PLPP1: variants seen among roughly 807,000 people sequenced by gnomAD.
PLPP1 encodes lipid phosphate phosphohydrolase 1a.
PLPP1 carries 24 observed loss-of-function variants against 31.2 expected under a neutral mutation model. The ratio of observed to expected loss-of-function variants is 0.77; its 90% CI spans 0.56 to 1.08. The LOEUF is 1.08. Among genes scored for constraint, PLPP1 ranks in the 50% least tolerant of loss-of-function variants. The pLI is 0.00. For missense variants in PLPP1, 319 were observed against 342.7 expected (o/e 0.93, Z 0.55); for synonymous variants, 146 against 126.3 (o/e 1.16, Z -1.05).
intron 1 of PLPP1, among the ~76,000 whole-genome samples, chr5:55,511,213 AAG>A (rs962582204): frequency 3.9e-5 from 6 of 152,188 alleles, no homozygotes; most frequent in Admixed American, 1.3e-4. Context: ...GTTACTGGAA[AAG>A]AGAGAGAAGC....
chr5:55,458,330 T>G (rs1752066241), intron 3 of PLPP1, among the ~76,000 whole-genome samples: 1 of 152,146 alleles, frequency 6.6e-6, no homozygotes, highest in Admixed American at 6.5e-5. Context: ...CTATGATCAC[T>G]GAAAATAAAC....
intron 1 of PLPP1, among the ~76,000 whole-genome samples, chr5:55,498,911 G>A (rs866051312): frequency 1.2e-4 from 19 of 152,078 alleles, no homozygotes; most frequent in South Asian, 2.1e-4. Context: ...ATTTGTGTAC[G>A]CTCCAGCATT....
chr5:55,481,786 G>C (rs1312275478), intron 1 of PLPP1, among the ~76,000 whole-genome samples: 1 of 152,028 alleles, frequency 6.6e-6, no homozygotes, highest in Non-Finnish European at 1.5e-5. Context: ...TTACTATTTT[G>C]TTAATAAAAT....
intron 1 of PLPP1, chr5:55,530,509 C>T: frequency 8.4e-7 from 1 of 1,196,550 alleles, no homozygotes; most frequent in Admixed American, 1.7e-5. Flanking sequence ...TTGCTGTTCC[C>T]TACTGAATCT....
chr5:55,507,995 T>G (rs1753320395), intron 1 of PLPP1, among the ~76,000 whole-genome samples: 2 of 152,090 alleles, frequency 1.3e-5, no homozygotes, highest in Non-Finnish European at 2.9e-5. Flanking sequence ...AGACCTGAGA[T>G]TTCAGGCATG....
At chr5:55,491,112 A>C in intron 1 of PLPP1, 2 of 1,611,930 alleles carry the variant, frequency 1.2e-6, no homozygotes, top group African/African-American at 1.3e-5. Context: ...ATAGGCATGG[A>C]AGCTGTTGGG....
intron 3 of PLPP1, among the ~76,000 whole-genome samples, chr5:55,458,874 G>A (rs1411198118): frequency 9.5e-6 from 1 of 104,742 alleles, no homozygotes; most frequent in Non-Finnish European, 1.7e-5. Flanking sequence ...GGCAACAGAG[G>A]AGACCCTGTC....
At chr5:55,434,108 G>A (rs1480354848) in intron 4 of PLPP1, among the ~76,000 whole-genome samples, 1 of 147,402 alleles carries the variant, frequency 6.8e-6, no homozygotes, top group African/African-American at 2.5e-5. Flanking sequence ...CAGCCTGGGC[G>A]AGCGACTGAG....
At chr5:55,509,019 TTGGTAAC>T (rs549717579) in intron 1 of PLPP1, 34 of 152,652 alleles carry the variant, frequency 2.2e-4, no homozygotes, top group African/African-American at 8.2e-4. Context: ...AATTTAAAAA[TTGGTAAC>T]TGAACTCAAT....
intron 1 of PLPP1, among the ~76,000 whole-genome samples, chr5:55,476,891 C>T (rs1257995935): frequency 6.6e-6 from 1 of 152,102 alleles, no homozygotes; most frequent in Non-Finnish European, 1.5e-5. Flanking sequence ...TTTTATCTTC[C>T]CATTTTTCAT....
intron 1 of PLPP1, chr5:55,491,161 C>G: frequency 6.3e-7 from 1 of 1,578,384 alleles, no homozygotes; most frequent in Non-Finnish European, 8.6e-7. Context: ...ATTCAATTCA[C>G]TTCATTAGGA....
chr5:55,449,880 G>A (rs1751856170), intron 3 of PLPP1, among the ~76,000 whole-genome samples: 1 of 151,226 alleles, frequency 6.6e-6, no homozygotes, highest in Non-Finnish European at 1.5e-5. Context: ...AGAAACACAG[G>A]GTACCTCTCC....
intron 2 of PLPP1, among the ~76,000 whole-genome samples, chr5:55,471,811 T>C (rs952093934): frequency 8.5e-5 from 13 of 152,234 alleles, no homozygotes; most frequent in African/African-American, 2.9e-4. Context: ...ATGAATAAAA[T>C]TGAATTATTT....
At chr5:55,455,208 C>G (rs951774017) in intron 3 of PLPP1, among the ~76,000 whole-genome samples, 1 of 151,894 alleles carries the variant, frequency 6.6e-6, no homozygotes, top group Non-Finnish European at 1.5e-5. Context: ...CTAAAACATA[C>G]ACAATTTAAA....
At chr5:55,457,505 G>A (rs988997743) in intron 3 of PLPP1, among the ~76,000 whole-genome samples, 3 of 152,094 alleles carry the variant, frequency 2.0e-5, no homozygotes, top group African/African-American at 4.8e-5. Flanking sequence ...AATGGCTTGT[G>A]CAAGAAACAA....
chr5:55,427,715 G>A (rs1751241527), intron 4 of PLPP1, among the ~76,000 whole-genome samples: 1 of 145,560 alleles, frequency 6.9e-6, no homozygotes, highest in Admixed American at 7.0e-5. Context: ...CAACATGCCA[G>A]TGAAAAGAAT....
At chr5:55,435,013 A>G (rs1751459925) in intron 4 of PLPP1, among the ~76,000 whole-genome samples, 1 of 152,226 alleles carries the variant, frequency 6.6e-6, no homozygotes, top group Non-Finnish European at 1.5e-5. Flanking sequence ...GCAAGGAGCC[A>G]ATATCCAGGA....
At chr5:55,441,823 T>C (rs1751627330) in intron 4 of PLPP1, 28 bp downstream of exon 4, 1 of 1,603,218 alleles carries the variant, frequency 6.2e-7, no homozygotes, top group Non-Finnish European at 8.5e-7. Flanking sequence ...GCACATAACC[T>C]AACCGTCAAC....
chr5:55,431,763 G>C (rs1751356299), intron 4 of PLPP1, among the ~76,000 whole-genome samples: 1 of 152,038 alleles, frequency 6.6e-6, no homozygotes, highest in Admixed American at 6.5e-5. Context: ...GAGCAGAGCA[G>C]AACTTAACAA....
Sources: gnomAD v4.1 joint callset for allele counts (sites outside exome capture counted in the v4.1 genomes callset) on GRCh38, gnomAD v4.1.1 for gene constraint, MANE v1.5 for transcripts, NCBI Gene and HGNC (gene_info 2026-07-23, HGNC 2026-07-21) for gene names.